The following COLGALT1 variants were observed in gnomAD, a reference collection of about 807,000 sequenced individuals.
COLGALT1 encodes the protein collagen beta(1-O)galactosyltransferase 1.
In COLGALT1, 43 loss-of-function variants were observed where a neutral mutation model predicts 60.8. That is an observed-to-expected ratio of 0.71 (90% CI 0.55 to 0.91). The LOEUF (loss-of-function observed/expected upper bound fraction) is 0.91. COLGALT1 is among the 40% of genes least tolerant of loss of function. The pLI is 0.00. For synonymous variants in COLGALT1, 369 were observed against 374.2 expected, an observed-to-expected ratio of 0.99 and a Z score of 0.16; for missense variants, 845 against 880.0, an observed-to-expected ratio of 0.96 and a Z score of 0.50.
chr19:17,564,912 T>C (rs2076271790), intron 3 of COLGALT1, among the ~76,000 whole-genome samples: 1 of 152,118 alleles, frequency 6.6e-6, no homozygotes. Flanking sequence ...TCCTCTCCCC[T>C]AGGCTCTGGC....
At position 17,580,871 on chromosome 19, in the gene COLGALT1, G is replaced by T. The variant is rs1283590940; in HGVS notation, c.1567G>T (p.Glu523Ter). ...EPLSKMLPVD[E>*]FLPVMFDKHP... Reference sequence around the variant, plus strand: ...GCTCTCCAAGATGCTGCCTGTGGACGAGTTCCTGCCCGTCATGTTCGACAA... The same window carrying T: ...GCTCTCCAAGATGCTGCCTGTGGACTAGTTCCTGCCCGTCATGTTCGACAA... Residue 523 changes from glutamate (E) to a stop codon, truncating the protein, a stop_gained, in exon 11 of 12, where the codon GAG becomes TAG. Coordinates refer to ENST00000252599, the MANE Select transcript of COLGALT1 (RefSeq NM_024656.4). LOFTEE classifies it low-confidence loss of function (END_TRUNC). The T allele has an allele frequency of 6.2e-7, 1 of 1,613,856 alleles. No individual in the cohort carries two copies.
intron 2 of COLGALT1, 59 bp downstream of exon 2, chr19:17,559,480 C>A: frequency 7.6e-7 from 1 of 1,308,238 alleles, no homozygotes; most frequent in Non-Finnish European, 1.1e-6. Flanking sequence ...CACACACCCT[C>A]TATGGCTCCC....
intron 6 of COLGALT1, among the ~76,000 whole-genome samples, chr19:17,574,156 C>T (rs1423436985): frequency 1.3e-5 from 2 of 152,304 alleles, no homozygotes; most frequent in Admixed American, 1.3e-4. Context: ...GCAGAAAGCC[C>T]TGCCAAAGCC....
At position 17,555,993 on chromosome 19, in the gene COLGALT1, C is replaced by T. The variant is rs898898209; in HGVS notation, c.260+20C>T. 24 of 1,307,920 alleles carry T rather than the reference C, an allele frequency of 1.8e-5. No homozygotes were observed. The highest frequency in any genetic ancestry group is 1.1e-4 in the African/African-American group (7 of 64,990). The allele number at this position is 1,307,920 out of a possible 1,614,324, so 81.0% of individuals were successfully genotyped here. A position where few individuals can be genotyped will look rare whatever the true frequency, so the allele number is the denominator to read the frequency against. On this transcript the variant is annotated intron_variant, in intron 1 of 11. Coordinates refer to ENST00000252599, the MANE Select transcript of COLGALT1 (RefSeq NM_024656.4). ...GCTATGGTGAGTCGAGCCCGCTGTC[C>T]CCATCAGGCGGGTCACGCGAGCCCC...
In COLGALT1 at chr19:17,559,379, G is replaced by A. The variant is rs759842843; in HGVS notation, c.329G>A (p.Ser110Asn). 1 of 1,552,312 alleles carries A rather than the reference G, an allele frequency of 6.4e-7. No homozygotes were observed. Among genetic ancestry groups the A allele is most frequent in the South Asian group, 1.2e-5 (1 of 84,086 alleles). The change falls in exon 2 of 12, where the codon AGT (serine) becomes AAT (asparagine). Residue 110 changes from serine (S) to asparagine (N), a missense_variant. Physicochemically the swap from Ser to Asn is conservative, Grantham distance 46 (BLOSUM62 1). Coordinates refer to ENST00000252599, the MANE Select transcript of COLGALT1 (RefSeq NM_024656.4). ...VLREWLVAVK[S>N]LYHSVEWRPA... Reference sequence around the variant, plus strand: ...CGGGAGTGGCTGGTGGCCGTGAAGAGTTTGTACCATTCCGTGGAGTGGCGG... The same window carrying A: ...CGGGAGTGGCTGGTGGCCGTGAAGAATTTGTACCATTCCGTGGAGTGGCGG...
rs2076391417 is a variant in COLGALT1, at chr19:17,582,617, G to A, written c.*1173G>A. On this transcript the variant is annotated 3_prime_UTR_variant, in exon 12 of 12. Transcript: ENST00000252599. ...TCCTTCACTTCTTCATGCCACAAGT[G>A]TTTATTGAGCACCTGTGTGCCAGGC... The A allele has an allele frequency of 6.6e-6, 1 of 152,236 alleles. No individual in the cohort carries two copies. Among genetic ancestry groups the A allele is most frequent in the Non-Finnish European group, 1.5e-5 (1 of 68,054 alleles). 9.4% of individuals were successfully genotyped at this position (152,236 alleles called of 1,614,324 possible).
rs777777218 is a variant in COLGALT1, at chr19:17,579,591, G to T, written c.1376G>T (p.Gly459Val). 7.4e-6 allele frequency: 12 copies of T among 1,613,088 alleles called. No individual in the cohort carries two copies. The South Asian group carries it at 1.1e-4, about 15-fold the overall frequency. The change falls in exon 10 of 12, where the codon GGC becomes GTC. Residue 459 changes from glycine (G) to valine (V), a missense_variant. Gly to Val is a moderately radical substitution (Grantham distance 109, BLOSUM62 -3). Coordinates refer to ENST00000252599, the MANE Select transcript of COLGALT1 (RefSeq NM_024656.4). ...MNLMRDVERE[G>V]LDWDLIYVGR... Reference sequence around the variant, plus strand: ...CTCATGCGGGATGTGGAGCGGGAGGGCCTGGACTGGGACCTCATGTGAGTG... The same window carrying T: ...CTCATGCGGGATGTGGAGCGGGAGGTCCTGGACTGGGACCTCATGTGAGTG...
rs758793833 is a variant in COLGALT1, at chr19:17,572,621, C to T, written c.949+19C>T. 77 of 1,613,112 alleles carry T rather than the reference C, an allele frequency of 4.8e-5. No homozygotes were observed. The highest frequency in any genetic ancestry group is 6.2e-5 in the Non-Finnish European group (73 of 1,179,976). ...GTCATGGGTGAGTCTGCCTGCACAC[C>T]GCCCTGGGAGGTGCCAGGTTGCCTC... On this transcript the variant is annotated intron_variant, in intron 6 of 11. Coordinates refer to ENST00000252599, the MANE Select transcript of COLGALT1 (RefSeq NM_024656.4).
At position 17,567,325 on chromosome 19, in the gene COLGALT1, G is replaced by A. The variant is rs1183395205; in HGVS notation, c.490-81G>A. 15 of 1,576,444 alleles carry A rather than the reference G, an allele frequency of 9.5e-6. No individual in the cohort carries two copies. The Admixed American group carries it at 1.5e-4, about 16-fold the overall frequency. Reference sequence around the variant, plus strand: ...CCAGAGGTCTTTGCCAGACCCCCAGGGCACTGGCCTTTGCCCCAGCTGTTC... The same window carrying A: ...CCAGAGGTCTTTGCCAGACCCCCAGAGCACTGGCCTTTGCCCCAGCTGTTC... On this transcript the variant is annotated intron_variant, in intron 3 of 11. Coordinates refer to ENST00000252599, the MANE Select transcript of COLGALT1 (RefSeq NM_024656.4).
In COLGALT1 at chr19:17,581,234, G is replaced by A. The variant is rs142585342; in HGVS notation, c.1659G>A (p.Pro553=). 0.012 allele frequency: 19,732 copies of A among 1,609,504 alleles called. 160 individuals are homozygous for A. The highest frequency in any genetic ancestry group is 0.015 in the Non-Finnish European group (17,246 of 1,179,646). Residue 553 remains proline, a synonymous_variant, in exon 12 of 12, where the codon CCG becomes CCA. Coordinates refer to ENST00000252599, the MANE Select transcript of COLGALT1 (RefSeq NM_024656.4). The stretch of plus-strand genomic sequence containing the variant: ...ACCTGCATGCCTTCTCTGTGGAGCC[G>A]CTGCTCATCTACCCCACACACTACA... ...LRNLHAFSVE[P]LLIYPTHYTG...
chr19:17,557,533 C>G (rs186148658), intron 1 of COLGALT1, among the ~76,000 whole-genome samples: 141 of 152,096 alleles, frequency 9.3e-4, no homozygotes, highest in African/African-American at 3.3e-3. Context: ...ATCTCCTGAC[C>G]TCATGATCTG....
intron 9 of COLGALT1, among the ~76,000 whole-genome samples, chr19:17,579,154 C>T (rs1366614935): frequency 1.4e-5 from 2 of 147,208 alleles, no homozygotes; most frequent in East Asian, 2.0e-4. Context: ...GGCGACAGGG[C>T]GAGACTCCGT....
chr19:17,563,103 T>G (rs1317843883), intron 3 of COLGALT1, among the ~76,000 whole-genome samples: 3 of 152,050 alleles, frequency 2.0e-5, no homozygotes, highest in Non-Finnish European at 4.4e-5. Flanking sequence ...TAGCTTTTTT[T>G]TCCCTCAGCA....
intron 2 of COLGALT1, among the ~76,000 whole-genome samples, chr19:17,559,833 G>C (rs2076237680): frequency 6.6e-6 from 1 of 152,024 alleles, no homozygotes; most frequent in South Asian, 2.1e-4. Flanking sequence ...CCTCACCCAG[G>C]CTGGAGTGCA....
At position 17,580,754 on chromosome 19, in the gene COLGALT1, G is replaced by T. The variant is rs781164776; in HGVS notation, c.1450G>T (p.Val484Leu). 6.2e-7 allele frequency: 1 copy of T among 1,614,044 alleles called. No individual in the cohort carries two copies. Among genetic ancestry groups the T allele is most frequent in the Non-Finnish European group, 8.5e-7 (1 of 1,180,018 alleles). Residue 484 changes from valine to leucine, a missense_variant, in exon 11 of 12, where the codon GTG (valine) becomes TTG (leucine). Physicochemically the swap from Val to Leu is conservative, Grantham distance 32. Coordinates refer to ENST00000252599, the MANE Select transcript of COLGALT1 (RefSeq NM_024656.4). Reference protein sequence around the residue: ...VEHPEKAVPRVRNLVEADYSY... With the variant: ...VEHPEKAVPRLRNLVEADYSY... ...GCACCCCGAGAAGGCTGTGCCTCGC[G>T]TGAGGAACCTGGTGGAGGCCGACTA...
At chr19:17,556,120 G>C in intron 1 of COLGALT1, 147 bp downstream of exon 1, 1 of 953,968 alleles carries the variant, frequency 1.0e-6, no homozygotes, top group Non-Finnish European at 1.4e-6. Flanking sequence ...CCATCGGGAC[G>C]GTTCTACGCA....
At chr19:17,560,211 C>A in intron 2 of COLGALT1, 137 bp from the exon 3 acceptor site, 67 of 584,004 alleles carry the variant, frequency 1.1e-4, no homozygotes, top group Middle Eastern at 4.9e-4. Context: ...TCGTCGTTTA[C>A]TTTTTCCCAT....
intron 4 of COLGALT1, among the ~76,000 whole-genome samples, chr19:17,568,215 G>A (rs552901452): frequency 1.2e-4 from 19 of 152,274 alleles, no homozygotes; most frequent in African/African-American, 4.6e-4. Context: ...CAGACAGCTT[G>A]AGAGTGATCC....
chr19:17,568,654 C>G lies in COLGALT1; in HGVS notation c.770C>G (p.Pro257Arg), dbSNP rs769137234. The G allele has an allele frequency of 6.2e-7, 1 of 1,614,188 alleles. No individual in the cohort carries two copies. Among genetic ancestry groups the G allele is most frequent in the Admixed American group, 1.7e-5 (1 of 60,008 alleles). Residue 257 changes from proline to arginine, a missense_variant, in exon 5 of 12, where the codon CCT becomes CGT. Physicochemically the swap from Pro to Arg is moderately radical, Grantham distance 103 (BLOSUM62 -2). Coordinates refer to ENST00000252599, the MANE Select transcript of COLGALT1 (RefSeq NM_024656.4). ...SRNLAFYPPH[P>R]DYTWSFDDII... Reference sequence around the variant, plus strand: ...AACCTGGCCTTCTACCCACCTCACCCTGACTACACCTGGTCCTTTGACGAC... The same window carrying G: ...AACCTGGCCTTCTACCCACCTCACCGTGACTACACCTGGTCCTTTGACGAC...
Sources: allele counts gnomAD v4.1 joint callset (sites outside exome capture counted in the v4.1 genomes callset), GRCh38; gene constraint gnomAD v4.1.1; transcripts MANE v1.5; gene names NCBI Gene and HGNC (gene_info 2026-07-23, HGNC 2026-07-21).